HLCS: variants seen among roughly 807,000 people sequenced by gnomAD.
The protein encoded by HLCS is holocarboxylase synthetase.
Under a neutral mutation model 75.0 loss-of-function variants are expected in HLCS, and 53 were observed. The ratio of observed to expected loss-of-function variants is 0.71; its 90% CI spans 0.57 to 0.89. The LOEUF is 0.89. Ranked by LOEUF, HLCS falls within the 40% of genes least tolerant of loss-of-function variation. The pLI is 0.00. For missense variants in HLCS, 966 were observed against 1,074.0 expected (o/e 0.90, Z 1.41); for synonymous variants, 431 against 428.6 (o/e 1.01, Z -0.07).
In HLCS at chr21:36,756,568, G is replaced by C. The variant is rs762915830; in HGVS notation, c.2424C>G (p.Pro808=). 3 of 1,613,796 alleles carry C rather than the reference G, an allele frequency of 1.9e-6. No homozygotes were observed. The highest frequency in any genetic ancestry group is 1.7e-4 in the Middle Eastern group (1 of 6,060). ...TGTGGACCCAGTATCGGTAATAAAG[G>C]GGAAGGACGCTGTTGGGCCCTTTGT... ...FQDKGPNSVL[P]LYYRYWVHSG... is the part of the protein sequence containing the mutation. The change falls in exon 10 of 11, where the codon CCC becomes CCG. Residue 808 remains proline, a synonymous_variant. Transcript: ENST00000674895.
At chr21:36,927,467 G>A (rs919314090) in intron 5 of HLCS, among the ~76,000 whole-genome samples, 7 of 152,302 alleles carry the variant, frequency 4.6e-5, no homozygotes, top group East Asian at 1.9e-4. Context: ...AATCTTCTGC[G>A]CTATTCGTCA....
At chr21:36,884,656 T>C (rs1043793024) in intron 6 of HLCS, among the ~76,000 whole-genome samples, 3 of 152,216 alleles carry the variant, frequency 2.0e-5, no homozygotes, top group Non-Finnish European at 2.9e-5. Flanking sequence ...GTCACCCTCT[T>C]TATTGATTAT....
At chr21:36,938,517 A>G (rs1169127096) in intron 3 of HLCS, among the ~76,000 whole-genome samples, 1 of 152,176 alleles carries the variant, frequency 6.6e-6, no homozygotes, top group African/African-American at 2.4e-5. Flanking sequence ...CCACTATGAT[A>G]AAAACAGGGT....
intron 9 of HLCS, chr21:36,759,162 C>CAG (rs1160478064): frequency 1.1e-5 from 5 of 471,054 alleles, no homozygotes; most frequent in Non-Finnish European, 2.2e-5. Flanking sequence ...TTAGGTTCTA[C>CAG]TGCCACAGAG....
At chr21:36,989,314 CTTTTTT>C (rs35073331) in intron 1 of HLCS, among the ~76,000 whole-genome samples, 23 of 80,012 alleles carry the variant, frequency 2.9e-4, no homozygotes, top group African/African-American at 1.1e-3. Flanking sequence ...TCTGGCCCAT[CTTTTTT>C]TTTTTTTTTT....
chr21:36,960,931 C>G (rs1288086080), intron 2 of HLCS, among the ~76,000 whole-genome samples: 1 of 152,126 alleles, frequency 6.6e-6, no homozygotes, highest in Non-Finnish European at 1.5e-5. Context: ...AAGAGGAATG[C>G]CCAAAGAAGG....
chr21:36,853,942 A>G (rs910136942), intron 6 of HLCS, among the ~76,000 whole-genome samples: 3 of 152,232 alleles, frequency 2.0e-5, no homozygotes, highest in African/African-American at 7.2e-5. Context: ...GTGATTAATA[A>G]AAGACTTTTC....
At chr21:36,770,958 G>A (rs1049099993) in intron 6 of HLCS, among the ~76,000 whole-genome samples, 1 of 152,100 alleles carries the variant, frequency 6.6e-6, no homozygotes, top group Non-Finnish European at 1.5e-5. Flanking sequence ...GGTGGTTCCC[G>A]CCTGTAATCC....
intron 6 of HLCS, among the ~76,000 whole-genome samples, chr21:36,816,936 G>A (rs955594768): frequency 6.6e-6 from 1 of 152,198 alleles, no homozygotes; most frequent in African/African-American, 2.4e-5. Flanking sequence ...CAAAGGATCA[G>A]AGGAGTCAGC....
At chr21:36,840,745 T>G (rs1388550754) in intron 6 of HLCS, among the ~76,000 whole-genome samples, 1 of 152,112 alleles carries the variant, frequency 6.6e-6, no homozygotes, top group East Asian at 1.9e-4. Flanking sequence ...CCCGAATAGC[T>G]GGGATTACAG....
intron 6 of HLCS, among the ~76,000 whole-genome samples, chr21:36,872,774 A>C (rs1410337199): frequency 6.6e-6 from 1 of 152,228 alleles, no homozygotes; most frequent in African/African-American, 2.4e-5. Context: ...GGCAATTACA[A>C]ATAAGCTTCT....
At chr21:36,987,881 C>T (rs1211902743) in intron 1 of HLCS, among the ~76,000 whole-genome samples, 1 of 152,128 alleles carries the variant, frequency 6.6e-6, no homozygotes, top group African/African-American at 2.4e-5. Context: ...AGATCACTAC[C>T]AACTAAGTGA....
At chr21:36,889,067 C>T (rs565777081) in intron 6 of HLCS, among the ~76,000 whole-genome samples, 5 of 152,272 alleles carry the variant, frequency 3.3e-5, no homozygotes, top group Admixed American at 6.5e-5. Flanking sequence ...CTGCCTGAGC[C>T]GCCAGGACAC....
intron 6 of HLCS, among the ~76,000 whole-genome samples, chr21:36,783,187 G>C (rs1339897821): frequency 6.6e-6 from 1 of 152,098 alleles, no homozygotes; most frequent in South Asian, 2.1e-4. Flanking sequence ...CTCAAACAAT[G>C]CTGCCCATCA....
intron 4 of HLCS, among the ~76,000 whole-genome samples, chr21:36,931,939 T>C (rs2066664276): frequency 6.6e-6 from 1 of 152,114 alleles, no homozygotes; most frequent in Admixed American, 6.5e-5. Context: ...GTTTCTCCGT[T>C]TTCCCCCCAC....
chr21:36,818,302 C>T (rs1569053556), intron 6 of HLCS, among the ~76,000 whole-genome samples: 1 of 152,204 alleles, frequency 6.6e-6, no homozygotes, highest in Non-Finnish European at 1.5e-5. Context: ...AAAGACCCTC[C>T]CGCGAGGAGC....
At chr21:36,817,223 A>AT (rs1248105213) in intron 6 of HLCS, among the ~76,000 whole-genome samples, 2 of 152,148 alleles carry the variant, frequency 1.3e-5, no homozygotes, top group Non-Finnish European at 1.5e-5. Flanking sequence ...AAACATCGGT[A>AT]TTTTTTCTTT....
At chr21:36,852,337 G>T (rs534559430) in intron 6 of HLCS, among the ~76,000 whole-genome samples, 2 of 152,300 alleles carry the variant, frequency 1.3e-5, no homozygotes, top group South Asian at 4.1e-4. Context: ...TGGATTACCT[G>T]AACATTACCA....
chr21:36,828,061 C>T (rs1430087680), intron 6 of HLCS, among the ~76,000 whole-genome samples: 2 of 152,100 alleles, frequency 1.3e-5, no homozygotes, highest in Non-Finnish European at 2.9e-5. Flanking sequence ...GATCTGCCTG[C>T]CTTGGCCCCC....
Sources: gnomAD v4.1 joint callset for allele counts (sites outside exome capture counted in the v4.1 genomes callset) on GRCh38, gnomAD v4.1.1 for gene constraint, MANE v1.5 for transcripts, NCBI Gene and HGNC (gene_info 2026-07-23, HGNC 2026-07-21) for gene names.